Variants in SYT10 observed in about 807,000 individuals in gnomAD.
SYT10 encodes synaptotagmin-10.
Under a neutral mutation model 51.1 loss-of-function variants are expected in SYT10, and 31 were observed. The ratio of observed to expected loss-of-function variants is 0.61; its 90% confidence interval spans 0.46 to 0.82. SYT10 has a LOEUF of 0.82. Among genes scored for constraint, SYT10 ranks in the 40% least tolerant of loss-of-function variants. The probability of loss-of-function intolerance (pLI) is 0.00; values close to 1 mark genes in which losing one functional copy is unlikely to be tolerated. For synonymous variants in SYT10, 233 were observed against 225.9 expected (o/e 1.03, Z -0.28); for missense variants, 603 against 634.0 (o/e 0.95, Z 0.53).
At chr12:33,393,907 C>T (rs2138398926) in intron 3 of SYT10, among the ~76,000 whole-genome samples, 1 of 152,326 alleles carries the variant, frequency 6.6e-6, no homozygotes, top group South Asian at 2.1e-4. Flanking sequence ...TATTATCTGT[C>T]TTCTTTTCTA....
At position 33,439,643 on chromosome 12, in the gene SYT10, T is replaced by C; in HGVS notation, c.-121A>G. On this transcript the variant is annotated 5_prime_UTR_variant, in exon 1 of 7. Coordinates refer to ENST00000228567, the MANE Select transcript of SYT10 (RefSeq NM_198992.4). ...CGCCCGCGGTGACTTTGGCTGGAGATTGCGCCGCTGAGAGCCGGCAACTCT... is the reference window on the plus strand; with the variant it reads ...CGCCCGCGGTGACTTTGGCTGGAGACTGCGCCGCTGAGAGCCGGCAACTCT... The C allele has an allele frequency of 1.6e-6, 2 of 1,251,000 alleles. No individual in the cohort carries two copies. Among genetic ancestry groups the C allele is most frequent in the Non-Finnish European group, 2.2e-6 (2 of 913,272 alleles). 77.5% of individuals were successfully genotyped at this position (1,251,000 alleles called of 1,614,324 possible).
Position 33,406,892 on chromosome 12 carries a change from G to GA in SYT10, c.973dup (p.Ser325PhefsTer2). On this transcript the variant is annotated frameshift_variant, in exon 3 of 7. Transcript: ENST00000228567. LOFTEE classifies it high-confidence loss of function. ...CACTTCCCCAATCATGTCATGTCTA[G>GA]AAAATCTGTCAAAATCATACACACT... The GA allele has an allele frequency of 6.2e-7, 1 of 1,614,020 alleles. No homozygotes were observed. Among genetic ancestry groups the GA allele is most frequent in the Non-Finnish European group, 8.5e-7 (1 of 1,180,004 alleles).
At chr12:33,382,639 G>T in intron 4 of SYT10, 119 bp from the exon 5 acceptor site, 1 of 841,662 alleles carries the variant, frequency 1.2e-6, no homozygotes, top group South Asian at 3.7e-5. Context: ...AAGACCTTTA[G>T]TATTACCAAT....
At chr12:33,390,995 G>C (rs1402071851) in intron 3 of SYT10, among the ~76,000 whole-genome samples, 1 of 152,114 alleles carries the variant, frequency 6.6e-6, no homozygotes, top group African/African-American at 2.4e-5. Flanking sequence ...CTGGAGTGCG[G>C]GCAAGATCTC....
At chr12:33,377,629 C>CTTTTTTTTTTTT (rs375275079) in intron 6 of SYT10, among the ~76,000 whole-genome samples, 1 of 114,008 alleles carries the variant, frequency 8.8e-6, no homozygotes. Flanking sequence ...TTTTCTTTTT[C>CTTTTTTTTTTTT]TTTTTTTTTT....
At chr12:33,399,565 TGCATA>T (rs1866284798) in intron 3 of SYT10, among the ~76,000 whole-genome samples, 1 of 152,214 alleles carries the variant, frequency 6.6e-6, no homozygotes, top group Non-Finnish European at 1.5e-5. Flanking sequence ...TCTCTAAATG[TGCATA>T]GATGTGATCT....
At chr12:33,398,649 ATAC>A (rs1301976873) in intron 3 of SYT10, among the ~76,000 whole-genome samples, 1 of 152,204 alleles carries the variant, frequency 6.6e-6, no homozygotes, top group Admixed American at 6.5e-5. Context: ...ATCCCTTATG[ATAC>A]TACTACTATG....
chr12:33,384,374 G>A (rs924217500), intron 4 of SYT10, among the ~76,000 whole-genome samples: 2 of 151,540 alleles, frequency 1.3e-5, no homozygotes, highest in Non-Finnish European at 2.9e-5. Flanking sequence ...AGGTTTTGTT[G>A]TTGTTCTGCA....
intron 6 of SYT10, 111 bp from the exon 7 acceptor site, chr12:33,377,012 A>G (rs555808411): frequency 8.8e-7 from 1 of 1,132,530 alleles, no homozygotes; most frequent in East Asian, 2.4e-5. Context: ...CGAATCTCTG[A>G]AGAAAGGAAA....
At chr12:33,396,238 T>G (rs934096534) in intron 3 of SYT10, among the ~76,000 whole-genome samples, 1 of 152,200 alleles carries the variant, frequency 6.6e-6, no homozygotes, top group African/African-American at 2.4e-5. Flanking sequence ...TTTAAGATAT[T>G]GATTTTATTT....
chr12:33,417,766 C>T (rs761764172), intron 2 of SYT10, among the ~76,000 whole-genome samples: 1 of 151,642 alleles, frequency 6.6e-6, no homozygotes, highest in Non-Finnish European at 1.5e-5. Context: ...TTTTGCCCTG[C>T]AAATACAAAA....
chr12:33,424,134 T>C (rs1219202771), intron 2 of SYT10: 1 of 350,602 alleles, frequency 2.9e-6, no homozygotes, highest in Admixed American at 4.1e-5. Context: ...CTAACTTTTA[T>C]GATTTTAAGG....
intron 3 of SYT10, among the ~76,000 whole-genome samples, chr12:33,396,151 T>C (rs1265247765): frequency 6.6e-6 from 1 of 152,144 alleles, no homozygotes; most frequent in Admixed American, 6.5e-5. Flanking sequence ...CCATGAACTT[T>C]TAAGGTAGTA....
At chr12:33,427,264 G>A (rs942082093) in intron 1 of SYT10, among the ~76,000 whole-genome samples, 4 of 151,960 alleles carry the variant, frequency 2.6e-5, no homozygotes, top group East Asian at 3.9e-4. Context: ...GTGCTCTTTC[G>A]CCCTTCTACC....
At chr12:33,425,936 C>T (rs1866546771) in intron 2 of SYT10, among the ~76,000 whole-genome samples, 3 of 151,930 alleles carry the variant, frequency 2.0e-5, no homozygotes, top group African/African-American at 7.2e-5. Flanking sequence ...CTTAGTTTCT[C>T]TCTCTCTGCC....
rs1472827006 is a variant in SYT10, at chr12:33,376,676, A to T, written c.*154T>A. ...AAATGTATTGATGTTCAAAGTTAAA[A>T]AATCAACAATAAAAGCAAATAAAAA... is the stretch of plus-strand genomic sequence containing the variant. On this transcript the variant is annotated 3_prime_UTR_variant, in exon 7 of 7. Transcript: ENST00000228567. 4.9e-6 allele frequency: 4 copies of T among 820,764 alleles called. No individual in the cohort carries two copies. The highest frequency in any genetic ancestry group is 1.7e-5 in the African/African-American group (1 of 58,088). The allele number at this position is 820,764 out of a possible 1,614,324, so 50.8% of individuals were successfully genotyped here. A position where few individuals can be genotyped will look rare whatever the true frequency, so the allele number is the denominator to read the frequency against.
intron 5 of SYT10, among the ~76,000 whole-genome samples, chr12:33,381,108 G>A (rs942405475): frequency 1.3e-5 from 2 of 152,130 alleles, no homozygotes; most frequent in African/African-American, 2.4e-5. Context: ...GAAATCAATA[G>A]GGGTAATTGG....
intron 1 of SYT10, among the ~76,000 whole-genome samples, chr12:33,438,325 C>T (rs1866654614): frequency 6.6e-6 from 1 of 152,190 alleles, no homozygotes; most frequent in Admixed American, 6.5e-5. Flanking sequence ...GGCAACCTTC[C>T]AGTCGAAAAT....
chr12:33,380,963 A>G (rs114724593), intron 5 of SYT10, among the ~76,000 whole-genome samples: 3 of 152,264 alleles, frequency 2.0e-5, no homozygotes, highest in African/African-American at 7.2e-5. Context: ...TTTCTTTAAT[A>G]TGAAATTTCC....
Sources: gnomAD v4.1 joint callset for allele counts (sites outside exome capture counted in the v4.1 genomes callset) on GRCh38, gnomAD v4.1.1 for gene constraint, MANE v1.5 for transcripts, NCBI Gene and HGNC (gene_info 2026-07-23, HGNC 2026-07-21) for gene names.